Variants in AHDC1 observed in about 807,000 individuals in gnomAD.
The protein encoded by AHDC1 is transcription factor Gibbin.
A neutral mutation model predicts 87.9 loss-of-function variants in AHDC1; 7 were observed. That is an observed-to-expected ratio of 0.08 (90% CI 0.05 to 0.15). The LOEUF is 0.15. AHDC1 is among the 10% of genes least tolerant of loss of function. The pLI, the probability that AHDC1 is intolerant of heterozygous loss-of-function variation, is 1.00. For missense variants in AHDC1, 1,841 were observed against 2,253.2 expected (o/e 0.82, Z 3.70); for synonymous variants, 1,051 against 1,006.8 (o/e 1.04, Z -0.83).
chr1:27,540,594 G>A (rs2018859378), intron 8 of AHDC1, among the ~76,000 whole-genome samples: 1 of 152,032 alleles, frequency 6.6e-6, no homozygotes, highest in Non-Finnish European at 1.5e-5. Flanking sequence ...ACCCTGGAAT[G>A]CTTCTTGGAG....
Position 27,552,139 on chromosome 1 carries a change from GC to G in AHDC1, c.-25del. On this transcript the variant is annotated 5_prime_UTR_variant, in exon 8 of 9. Coordinates refer to ENST00000673934, the MANE Select transcript of AHDC1 (RefSeq NM_001371928.1). Reference sequence around the variant, plus strand: ...ATCCTGACCTTGTCCTCCGCAGGCCGCCGGGCGGGGCCGGGGCTGACATGAG... The same window carrying G: ...ATCCTGACCTTGTCCTCCGCAGGCCGCGGGCGGGGCCGGGGCTGACATGAG... 7.0e-7 allele frequency: 1 copy of G among 1,436,830 alleles called. No individual in the cohort carries two copies. Among genetic ancestry groups the G allele is most frequent in the Admixed American group, 2.9e-5 (1 of 34,880 alleles). 89.0% of individuals were successfully genotyped at this position (1,436,830 alleles called of 1,614,324 possible). A position where few individuals can be genotyped will look rare whatever the true frequency, so the allele number is the denominator to read the frequency against.
intron 8 of AHDC1, among the ~76,000 whole-genome samples, chr1:27,540,396 T>C (rs2018848985): frequency 6.7e-6 from 1 of 148,704 alleles, no homozygotes; most frequent in African/African-American, 2.5e-5. Flanking sequence ...TCAACTCAAG[T>C]TAAAAAAAAA....
At chr1:27,603,123 G>A (rs1316439166) in intron 3 of AHDC1, among the ~76,000 whole-genome samples, 1 of 151,060 alleles carries the variant, frequency 6.6e-6, no homozygotes, top group African/African-American at 2.4e-5. Context: ...GGAGCCGCGG[G>A]GCGGCCAGGA....
rs2088968863 is a variant in AHDC1 at position 27,583,613 on chromosome 1, TG to T, written c.-629+19783del. Among the ~76,000 whole-genome samples the T allele has an allele frequency of 1.3e-5, 2 of 152,162 alleles. 1 individual carries two copies. Among genetic ancestry groups the T allele is most frequent in the South Asian group, 4.1e-4 (2 of 4,834 alleles). ...CCAGGTCTCTCCCTCCTTCCTCTGC[TG>T]GATCAATGCCCTCACCCCTAACCCG... On this transcript the variant is annotated intron_variant, in intron 3 of 8. Transcript: ENST00000673934.
rs183449227 is a variant in AHDC1 at position 27,563,055 on chromosome 1, C to T, written c.-628-4172G>A. ...CCCTCACAGTGGCATAACTGACACG[C>T]AACCAGGCACCCCCACACCCACTAA... On this transcript the variant is annotated intron_variant, in intron 3 of 8. Coordinates refer to ENST00000673934, the MANE Select transcript of AHDC1 (RefSeq NM_001371928.1). This position sits in a 1 kb window ranked among gnomAD's most constrained non-coding sequence, Gnocchi z 6.1. 3.7e-4 allele frequency among the ~76,000 whole-genome samples: 56 copies of T among 152,284 alleles called. No individual in the cohort carries two copies. Among genetic ancestry groups the T allele is most frequent in the African/African-American group, 1.3e-3 (54 of 41,564 alleles).
intron 8 of AHDC1, among the ~76,000 whole-genome samples, chr1:27,536,977 G>A (rs1406650831): frequency 1.3e-5 from 2 of 152,128 alleles, no homozygotes; most frequent in African/African-American, 4.8e-5. Flanking sequence ...CTGCGGCCAG[G>A]CAGCAGGAGG....
Position 27,561,695 on chromosome 1 carries a change from C to G in AHDC1, c.-628-2812G>C, listed in dbSNP as rs2020092520. Among the ~76,000 whole-genome samples, 4 of 151,130 alleles carry G rather than the reference C, an allele frequency of 2.6e-5. 1 individual carries two copies. In the South Asian group the frequency reaches 6.3e-4, roughly 24 times the overall value. Reference sequence around the variant, plus strand: ...CACACAAGAGAGAGAGAGGAAAAGACAGAGAGAGAGAGCGTGCCAGAGGGA... The same window carrying G: ...CACACAAGAGAGAGAGAGGAAAAGAGAGAGAGAGAGAGCGTGCCAGAGGGA... On this transcript the variant is annotated intron_variant, in intron 3 of 8. Transcript: ENST00000673934. This position sits in a 1 kb window ranked among gnomAD's most constrained non-coding sequence, Gnocchi z 4.2.
chr1:27,580,828 C>T (rs189847030), intron 3 of AHDC1, among the ~76,000 whole-genome samples: 29 of 152,238 alleles, frequency 1.9e-4, no homozygotes, highest in Admixed American at 1.4e-3. Flanking sequence ...ACATTTTAAC[C>T]AACCAAAAAC....
At position 27,560,694 on chromosome 1, in the gene AHDC1, T is replaced by A. The variant is rs1379141536; in HGVS notation, c.-628-1811A>T. On this transcript the variant is annotated intron_variant, in intron 3 of 8. Transcript: ENST00000673934. The surrounding 1 kb of genome is among the most constrained non-coding windows in gnomAD (Gnocchi z 4.1). ...GTGTCTGTGTACCACAGCGTGTCTC[T>A]GTGTATGTCAGTGGGTCCTTGTGCT... Among the ~76,000 whole-genome samples, 1 of 152,134 alleles carries A rather than the reference T, an allele frequency of 6.6e-6. No homozygotes were observed. Among genetic ancestry groups the A allele is most frequent in the Non-Finnish European group, 1.5e-5 (1 of 68,028 alleles).
At chr1:27,573,295 G>A (rs759667329) in intron 3 of AHDC1, among the ~76,000 whole-genome samples, 3 of 152,280 alleles carry the variant, frequency 2.0e-5, no homozygotes, top group East Asian at 1.9e-4. Flanking sequence ...CAGGAGGAAG[G>A]AAACCAAGGC....
chr1:27,543,308 G>A (rs1571215918), intron 8 of AHDC1, among the ~76,000 whole-genome samples: 1 of 152,224 alleles, frequency 6.6e-6, no homozygotes, highest in African/African-American at 2.4e-5. Context: ...AGGGCCCAAC[G>A]TGGAGCCAGT....
intron 8 of AHDC1, among the ~76,000 whole-genome samples, chr1:27,541,080 G>C (rs528539898): frequency 1.3e-4 from 20 of 151,820 alleles, no homozygotes; most frequent in African/African-American, 4.8e-4. Context: ...TGAACTGGGG[G>C]GCTGGGGGTG....
At chr1:27,555,948 C>T (rs1210192469) in intron 5 of AHDC1, among the ~76,000 whole-genome samples, 2 of 152,196 alleles carry the variant, frequency 1.3e-5, no homozygotes, top group Non-Finnish European at 2.9e-5. Context: ...GCTGGCTCCC[C>T]TCCTCACCAC....
chr1:27,560,707 G>A lies in AHDC1; in HGVS notation c.-628-1824C>T, dbSNP rs1445372477. ...ACAGCGTGTCTCTGTGTATGTCAGT[G>A]GGTCCTTGTGCTATGTCACTGTATG... is the stretch of plus-strand genomic sequence containing the variant. On this transcript the variant is annotated intron_variant, in intron 3 of 8. Coordinates refer to ENST00000673934, the MANE Select transcript of AHDC1 (RefSeq NM_001371928.1). The surrounding 1 kb of genome is among the most constrained non-coding windows in gnomAD (Gnocchi z 4.1). Among the ~76,000 whole-genome samples the A allele has an allele frequency of 2.6e-5, 4 of 152,088 alleles. No homozygotes were observed. The highest frequency in any genetic ancestry group is 2.9e-5 in the Non-Finnish European group (2 of 68,022).
In AHDC1 at chr1:27,554,567, G is replaced by A. The variant is rs78259284; in HGVS notation, c.-224-1382C>T. Among the ~76,000 whole-genome samples the A allele has an allele frequency of 6.5e-3, 984 of 152,316 alleles. 17 individuals are homozygous for A. The highest frequency in any genetic ancestry group is 0.022 in the African/African-American group (926 of 41,572). On this transcript the variant is annotated intron_variant, in intron 5 of 8. Transcript: ENST00000673934. Reference sequence around the variant, plus strand: ...CCAGGCATGTCTGACTCCCAAAGAAGCCTGAGGACTCAGGGCCATGGCTGA... The same window carrying A: ...CCAGGCATGTCTGACTCCCAAAGAAACCTGAGGACTCAGGGCCATGGCTGA...
intron 8 of AHDC1, among the ~76,000 whole-genome samples, chr1:27,542,058 G>T (rs1335221492): frequency 1.3e-5 from 2 of 152,272 alleles, no homozygotes; most frequent in Non-Finnish European, 2.9e-5. Context: ...TAGCTCATGT[G>T]TGTGAACACA....
intron 8 of AHDC1, among the ~76,000 whole-genome samples, chr1:27,545,989 AG>A (rs2019148803): frequency 6.6e-6 from 1 of 152,100 alleles, no homozygotes; most frequent in African/African-American, 2.4e-5. Context: ...TCTGGCAGAG[AG>A]GGGGCAACAA....
At position 27,550,799 on chromosome 1, in the gene AHDC1, G is replaced by C. The variant is rs2019499978; in HGVS notation, c.1317C>G (p.Ala439=). 1 of 1,566,186 alleles carries C rather than the reference G, an allele frequency of 6.4e-7. No individual in the cohort carries two copies. Among genetic ancestry groups the C allele is most frequent in the African/African-American group, 1.4e-5 (1 of 73,742 alleles). Reference sequence around the variant, plus strand: ...CTGAGACCGGGCCTGGGCCTGGCAGGGCAGGGGGTGGAGGAGGCGGTGGTG... The same window carrying C: ...CTGAGACCGGGCCTGGGCCTGGCAGCGCAGGGGGTGGAGGAGGCGGTGGTG... The part of the protein sequence containing the change: ...PPPPPPPPPP[A]LPGPGPVSVP... The change falls in exon 8 of 9, where the codon GCC becomes GCG. Residue 439 remains alanine, a synonymous_variant. Transcript: ENST00000673934.
chr1:27,602,820 C>A (rs1260985062), intron 3 of AHDC1, among the ~76,000 whole-genome samples: 1 of 152,104 alleles, frequency 6.6e-6, no homozygotes, highest in Non-Finnish European at 1.5e-5. Context: ...CCGCCCCACA[C>A]CCCCTCCGGG....
Sources: gnomAD v4.1 joint callset for allele counts (sites outside exome capture counted in the v4.1 genomes callset) on GRCh38, gnomAD v4.1.1 for gene constraint, Gnocchi (gnomAD v3.1) non-coding constraint, MANE v1.5 for transcripts, NCBI Gene and HGNC (gene_info 2026-07-23, HGNC 2026-07-21) for gene names.